The following PLA2G4A variants were observed in gnomAD, a reference collection of about 807,000 sequenced individuals.
PLA2G4A encodes phospholipase A2 group IVA.
PLA2G4A carries 40 observed loss-of-function variants against 81.9 expected under a neutral mutation model. The ratio of observed to expected loss-of-function variants is 0.49; its 90% CI spans 0.38 to 0.64. The LOEUF (loss-of-function observed/expected upper bound fraction) is 0.64, where lower values mean the gene tolerates loss of function less well. Among genes scored for constraint, PLA2G4A ranks in the 30% least tolerant of loss-of-function variants. PLA2G4A has a pLI of 0.00. For synonymous variants in PLA2G4A, 302 were observed against 296.9 expected, an observed-to-expected ratio of 1.02 and a Z score of -0.18; for missense variants, 715 against 905.1, an observed-to-expected ratio of 0.79 and a Z score of 2.69.
chr1:186,975,996 C>T (rs924283191), intron 15 of PLA2G4A, among the ~76,000 whole-genome samples: 4 of 152,194 alleles, frequency 2.6e-5, no homozygotes, highest in African/African-American at 9.7e-5. Flanking sequence ...TAGAACATAA[C>T]TCACTGATAA....
chr1:186,889,670 C>T (rs886106629), intron 3 of PLA2G4A, among the ~76,000 whole-genome samples: 2 of 146,064 alleles, frequency 1.4e-5, no homozygotes, highest in African/African-American at 4.9e-5. Context: ...TGTTGACAGA[C>T]AACATCTATT....
At position 186,939,008 on chromosome 1, in the gene PLA2G4A, G is replaced by A; in HGVS notation, c.696G>A (p.Trp232Ter). ...TGATTGTGTTTTGTTTTCTGTATAG[G>A]TATATGTCAACCTTGTATTCTCACC... The part of the protein sequence containing the change: ...TYVAGLSGST[W>*]YMSTLYSHPD... Residue 232 changes from tryptophan to a stop codon, truncating the protein, a stop_gained and splice_region_variant, in exon 9 of 18, where the codon TGG becomes TGA. Coordinates refer to ENST00000367466, the MANE Select transcript of PLA2G4A (RefSeq NM_024420.3). LOFTEE classifies it high-confidence loss of function. The A allele has an allele frequency of 6.7e-7, 1 of 1,483,476 alleles. No homozygotes were observed. The highest frequency in any genetic ancestry group is 2.3e-5 in the East Asian group (1 of 44,132). The allele number at this position is 1,483,476 out of a possible 1,614,324, so 91.9% of individuals were successfully genotyped here. A position where few individuals can be genotyped will look rare whatever the true frequency, so the allele number is the denominator to read the frequency against.
intron 6 of PLA2G4A, 81 bp downstream of exon 6, chr1:186,907,083 A>G (rs1362063017): frequency 9.0e-6 from 7 of 779,582 alleles, no homozygotes; most frequent in Non-Finnish European, 1.6e-5. Context: ...ATTTTTTTAT[A>G]TATAATTCTG....
intron 14 of PLA2G4A, among the ~76,000 whole-genome samples, chr1:186,959,031 G>A (rs373918243): frequency 1.8e-4 from 27 of 152,184 alleles, no homozygotes; most frequent in Middle Eastern, 3.4e-3. Flanking sequence ...GGCAACTTTA[G>A]GATGTATGCC....
rs1167680181 is a variant in PLA2G4A, at chr1:186,911,298, C to A, written c.467C>A (p.Thr156Asn). ...FSMALCDQEK[T>N]FRQQRKEHIR... ...ATGGCTCTGTGTGATCAGGAGAAGACTTTCAGACAACAGAGAAAAGAACAC... is the reference window on the plus strand; with the variant it reads ...ATGGCTCTGTGTGATCAGGAGAAGAATTTCAGACAACAGAGAAAAGAACAC... The change falls in exon 7 of 18, where the codon ACT becomes AAT. Residue 156 changes from threonine to asparagine, a missense_variant. Physicochemically the swap from Thr to Asn is moderately conservative, Grantham distance 65. Coordinates refer to ENST00000367466, the MANE Select transcript of PLA2G4A (RefSeq NM_024420.3). 6.2e-7 allele frequency: 1 copy of A among 1,610,108 alleles called. No homozygotes were observed. Among genetic ancestry groups the A allele is most frequent in the Non-Finnish European group, 8.5e-7 (1 of 1,176,458 alleles).
At chr1:186,955,592 C>T (rs6678708) in intron 13 of PLA2G4A, among the ~76,000 whole-genome samples, 44,641 of 151,834 alleles carry the variant, frequency 0.29, 8,658 homozygotes, top group African/African-American at 0.54. Flanking sequence ...ACCCCTTACA[C>T]GCACTGTAGG....
chr1:186,932,662 GT>G, intron 7 of PLA2G4A, 100 bp from the exon 8 acceptor site: 1 of 1,201,438 alleles, frequency 8.3e-7, no homozygotes, highest in South Asian at 1.2e-5. Context: ...ACACTTCTTT[GT>G]GACAAAATAT....
chr1:186,951,231 A>T (rs1656550184), intron 13 of PLA2G4A, among the ~76,000 whole-genome samples: 3 of 152,160 alleles, frequency 2.0e-5, no homozygotes, highest in African/African-American at 7.2e-5. Context: ...CTTGATACGT[A>T]TATTATTTCA....
chr1:186,901,610 T>C (rs959571551), intron 5 of PLA2G4A, among the ~76,000 whole-genome samples: 1 of 152,072 alleles, frequency 6.6e-6, no homozygotes, highest in African/African-American at 2.4e-5. Context: ...AATAGAGTGG[T>C]TTGGTAGTAA....
intron 2 of PLA2G4A, among the ~76,000 whole-genome samples, chr1:186,858,986 TA>T (rs1652700182): frequency 6.6e-6 from 1 of 152,088 alleles, no homozygotes; most frequent in Admixed American, 6.6e-5. Context: ...CACAGAAAGA[TA>T]TTTTTCAAAA....
Position 186,932,796 on chromosome 1 carries a change from G to A in PLA2G4A, c.592G>A (p.Gly198Ser). 2 of 1,613,626 alleles carry A rather than the reference G, an allele frequency of 1.2e-6. No individual in the cohort carries two copies. Among genetic ancestry groups the A allele is most frequent in the Non-Finnish European group, 1.7e-6 (2 of 1,179,616 alleles). The part of the protein sequence containing the change: ...PVVAILGSGG[G>S]FRAMVGFSGV... ...GGTAGCCATATTGGGTTCAGGTGGGGGTTTCCGAGCCATGGTGGGATTCTC... is the reference window on the plus strand; with the variant it reads ...GGTAGCCATATTGGGTTCAGGTGGGAGTTTCCGAGCCATGGTGGGATTCTC... Residue 198 changes from glycine (G) to serine (S), a missense_variant, in exon 8 of 18, where the codon GGT becomes AGT. Coordinates refer to ENST00000367466, the MANE Select transcript of PLA2G4A (RefSeq NM_024420.3).
intron 10 of PLA2G4A, among the ~76,000 whole-genome samples, chr1:186,943,294 T>C (rs1446342794): frequency 6.6e-6 from 1 of 152,220 alleles, no homozygotes. Context: ...AATTCCTGAC[T>C]CCTCCACTAC....
At chr1:186,877,315 C>T (rs1653539084) in intron 3 of PLA2G4A, among the ~76,000 whole-genome samples, 1 of 151,976 alleles carries the variant, frequency 6.6e-6, no homozygotes, top group Non-Finnish European at 1.5e-5. Flanking sequence ...GCCTAACACA[C>T]AGTAAGTGCT....
At chr1:186,835,542 A>G (rs970126612) in intron 1 of PLA2G4A, among the ~76,000 whole-genome samples, 1 of 152,166 alleles carries the variant, frequency 6.6e-6, no homozygotes, top group Admixed American at 6.5e-5. Flanking sequence ...TGATTTCTTA[A>G]TATCCATTAG....
rs988681067 is a variant in PLA2G4A at position 186,845,906 on chromosome 1, T to C, written c.-69-8380T>C. Among the ~76,000 whole-genome samples, 3 of 152,330 alleles carry C rather than the reference T, an allele frequency of 2.0e-5. No homozygotes were observed. In the East Asian group the frequency reaches 5.8e-4, roughly 29 times the overall value. ...CATTCATGTTCTGAAAGTTTCTAAT[T>C]ACAGGGCAGGGAAAGGAAAAAAAGA... On this transcript the variant is annotated intron_variant, in intron 1 of 17. Transcript: ENST00000367466.
chr1:186,851,498 G>A (rs1652370008), intron 1 of PLA2G4A, among the ~76,000 whole-genome samples: 1 of 151,930 alleles, frequency 6.6e-6, no homozygotes, highest in Non-Finnish European at 1.5e-5. Context: ...AGTATTAGCT[G>A]GATTCTGACT....
At chr1:186,851,674 A>G (rs1652378642) in intron 1 of PLA2G4A, among the ~76,000 whole-genome samples, 1 of 152,060 alleles carries the variant, frequency 6.6e-6, no homozygotes, top group Non-Finnish European at 1.5e-5. Flanking sequence ...CACTCAATAT[A>G]GGTATATATT....
chr1:186,891,118 A>C (rs998616701), intron 3 of PLA2G4A, among the ~76,000 whole-genome samples: 1 of 152,142 alleles, frequency 6.6e-6, no homozygotes, highest in Non-Finnish European at 1.5e-5. Context: ...TTTTAAAAAA[A>C]AGTATTTTTC....
Position 186,988,666 on chromosome 1 carries a change from T to C in PLA2G4A, c.*158T>C, listed in dbSNP as rs1014549796. 3.2e-6 allele frequency: 2 copies of C among 620,946 alleles called. No homozygotes were observed. The highest frequency in any genetic ancestry group is 5.9e-6 in the Non-Finnish European group (2 of 338,564). 38.5% of individuals were successfully genotyped at this position (620,946 alleles called of 1,614,324 possible). A position where few individuals can be genotyped will look rare whatever the true frequency, so the allele number is the denominator to read the frequency against. ...CTTAGCTGCATGAGAATAATACTAT[T>C]ATAAGTTAGGTTGACAAATGATGTT... On this transcript the variant is annotated 3_prime_UTR_variant, in exon 18 of 18. Coordinates refer to ENST00000367466, the MANE Select transcript of PLA2G4A (RefSeq NM_024420.3).
Sources: gnomAD v4.1 joint callset for allele counts (sites outside exome capture counted in the v4.1 genomes callset) on GRCh38, gnomAD v4.1.1 for gene constraint, MANE v1.5 for transcripts, NCBI Gene and HGNC (gene_info 2026-07-23, HGNC 2026-07-21) for gene names.